CBFB: variants seen among roughly 807,000 people sequenced by gnomAD.
The protein encoded by CBFB is CBF-beta.
CBFB carries 9 observed loss-of-function variants against 30.4 expected under a neutral mutation model. The observed-to-expected ratio is 0.30, with a 90% CI of 0.18 to 0.52. The LOEUF is 0.52. Among genes scored for constraint, CBFB ranks in the 20% least tolerant of loss-of-function variants. The pLI is 0.97. For synonymous variants in CBFB, 94 were observed against 84.0 expected (o/e 1.12, Z -0.65); for missense variants, 170 against 244.0 (o/e 0.70, Z 2.02).
chr16:67,098,612 T>C (rs1376182435), intron 5 of CBFB, 98 bp from the exon 6 acceptor site: 23 of 651,184 alleles, frequency 3.5e-5, no homozygotes, highest in South Asian at 6.4e-5. Flanking sequence ...TTTTTAGTTA[T>C]GAAGTTTTTC....
intron 3 of CBFB, among the ~76,000 whole-genome samples, chr16:67,061,320 C>G (rs1186725962): frequency 6.6e-6 from 1 of 152,170 alleles, no homozygotes; most frequent in African/African-American, 2.4e-5. Context: ...TTAGCTGCAT[C>G]TGTTTACCCA....
In CBFB at chr16:67,075,552, A is replaced by G. The variant is rs1193303990; in HGVS notation, c.400-6661A>G. 6.0e-5 allele frequency among the ~76,000 whole-genome samples: 9 copies of G among 150,240 alleles called. No homozygotes were observed. In the South Asian group the frequency reaches 6.4e-4, roughly 11 times the overall value. ...AAATATGCAAGCTGCGCATGCATATATGTGTGTGTGTGTGTATATATATAT... is the reference window on the plus strand; with the variant it reads ...AAATATGCAAGCTGCGCATGCATATGTGTGTGTGTGTGTGTATATATATAT... On this transcript the variant is annotated intron_variant, in intron 4 of 5. Coordinates refer to ENST00000412916, the MANE Select transcript of CBFB (RefSeq NM_022845.3).
intron 3 of CBFB, among the ~76,000 whole-genome samples, chr16:67,042,779 C>G (rs756516687): frequency 6.6e-6 from 1 of 152,040 alleles, no homozygotes; most frequent in South Asian, 2.1e-4. Flanking sequence ...GCTCTGTCAT[C>G]CAGGCTGGAG....
chr16:67,034,190 T>C lies in CBFB; in HGVS notation c.166-2449T>C, dbSNP rs544951018. Among the ~76,000 whole-genome samples, 3 of 152,114 alleles carry C rather than the reference T, an allele frequency of 2.0e-5. No individual in the cohort carries two copies. The East Asian group carries it at 5.8e-4, about 29-fold the overall frequency. ...GACGTCTTCAACACTAATAATCAAATAAAGAAAAAATATTTATAAGAAGTA... is the reference window on the plus strand; with the variant it reads ...GACGTCTTCAACACTAATAATCAAACAAAGAAAAAATATTTATAAGAAGTA... On this transcript the variant is annotated intron_variant, in intron 2 of 5. Transcript: ENST00000412916.
chr16:67,058,577 C>G (rs1960800459), intron 3 of CBFB, among the ~76,000 whole-genome samples: 2 of 152,174 alleles, frequency 1.3e-5, no homozygotes, highest in Admixed American at 1.3e-4. Flanking sequence ...CCCCACTGCC[C>G]TTATAAGCAT....
At chr16:67,061,807 G>A (rs1264143378) in intron 3 of CBFB, among the ~76,000 whole-genome samples, 4 of 152,056 alleles carry the variant, frequency 2.6e-5, no homozygotes, top group Non-Finnish European at 4.4e-5. Context: ...TGAGGCAGGC[G>A]GATCACCTGA....
Position 67,066,791 on chromosome 16 carries a change from G to A in CBFB, c.392G>A (p.Arg131Gln), listed in dbSNP as rs2145751100. 14 of 1,587,114 alleles carry A rather than the reference G, an allele frequency of 8.8e-6. No homozygotes were observed. The highest frequency in any genetic ancestry group is 1.2e-5 in the Non-Finnish European group (14 of 1,157,828). The change falls in exon 4 of 6, where the codon CGA becomes CAA. Residue 131 changes from arginine (R) to glutamine (Q), a missense_variant. Transcript: ENST00000412916. ...GGCTGTCTGGAGTTTGATGAGGAGC[G>A]AGCCCAGGTAGGGTAACATCAGGCT... ...GMGCLEFDEE[R>Q]AQQEDALAQQ...
intron 4 of CBFB, among the ~76,000 whole-genome samples, chr16:67,079,687 A>C: frequency 6.6e-6 from 1 of 152,160 alleles, no homozygotes. Context: ...AAATGTCTCA[A>C]ACTTTCTTGG....
chr16:67,038,319 T>C (rs908580005), intron 3 of CBFB, among the ~76,000 whole-genome samples: 1 of 150,100 alleles, frequency 6.7e-6, no homozygotes, highest in South Asian at 2.1e-4. Context: ...TGTGTATATA[T>C]ACGTATATGT....
At chr16:67,073,561 C>T (rs1032448671) in intron 4 of CBFB, among the ~76,000 whole-genome samples, 1 of 152,150 alleles carries the variant, frequency 6.6e-6, no homozygotes, top group Non-Finnish European at 1.5e-5. Context: ...GCCTGGCCAA[C>T]ATGGTGAAAC....
chr16:67,072,075 A>G (rs1424560851), intron 4 of CBFB, among the ~76,000 whole-genome samples: 7 of 152,126 alleles, frequency 4.6e-5, no homozygotes, highest in Non-Finnish European at 7.3e-5. Context: ...GGTTAATGTT[A>G]TATCATTCAT....
intron 4 of CBFB, among the ~76,000 whole-genome samples, chr16:67,067,212 TAAAA>T (rs773186476): frequency 7.7e-6 from 1 of 130,064 alleles, no homozygotes; most frequent in African/African-American, 2.8e-5. Flanking sequence ...AAAAATTGTT[TAAAA>T]AAAAAAAAAA....
chr16:67,045,607 C>A (rs146878219), intron 3 of CBFB, among the ~76,000 whole-genome samples: 1 of 152,252 alleles, frequency 6.6e-6, no homozygotes, highest in Non-Finnish European at 1.5e-5. Context: ...AAATGCACCT[C>A]TGAAGCACTT....
chr16:67,069,890 G>T (rs779478968), intron 4 of CBFB, among the ~76,000 whole-genome samples: 1 of 152,168 alleles, frequency 6.6e-6, no homozygotes, highest in African/African-American at 2.4e-5. Flanking sequence ...TTGGGAGACC[G>T]AAGTGGGAGG....
intron 1 of CBFB, 75 bp from the exon 2 acceptor site, chr16:67,029,652 C>A: frequency 2.8e-6 from 4 of 1,410,380 alleles, no homozygotes; most frequent in Non-Finnish European, 2.9e-6. Flanking sequence ...CCCTTATCGG[C>A]GCTGCGCTGG....
intron 4 of CBFB, among the ~76,000 whole-genome samples, chr16:67,079,064 T>G (rs1961484051): frequency 6.6e-6 from 1 of 152,228 alleles, no homozygotes; most frequent in Non-Finnish European, 1.5e-5. Flanking sequence ...ACCTCTGGCT[T>G]ATATTATGTC....
intron 3 of CBFB, 102 bp from the exon 4 acceptor site, chr16:67,066,579 AT>A: frequency 1.7e-6 from 1 of 595,516 alleles, no homozygotes; most frequent in Non-Finnish European, 3.0e-6. Context: ...GTCAATCATA[AT>A]TTTATTCATC....
intron 5 of CBFB, among the ~76,000 whole-genome samples, chr16:67,085,778 A>C (rs1961712013): frequency 6.7e-6 from 1 of 150,248 alleles, no homozygotes; most frequent in Non-Finnish European, 1.5e-5. Flanking sequence ...CCCTGGTTCA[A>C]GCCATTCTTC....
chr16:67,036,681 C>G lies in CBFB; in HGVS notation c.208C>G (p.Pro70Ala), dbSNP rs2145713361. Residue 70 changes from proline to alanine, a missense_variant, in exon 3 of 6, where the codon CCG becomes GCG. Coordinates refer to ENST00000412916, the MANE Select transcript of CBFB (RefSeq NM_022845.3). ...AACCAATCTGTCTCTCCAGTTTTTT[C>G]CGGCCAGCTGGCAGGGAGAACAGCG... The part of the protein sequence containing the change: ...TGTNLSLQFF[P>A]ASWQGEQRQT... 6.2e-7 allele frequency: 1 copy of G among 1,613,840 alleles called. No individual in the cohort carries two copies. Among genetic ancestry groups the G allele is most frequent in the South Asian group, 1.1e-5 (1 of 91,068 alleles).
Sources: gnomAD v4.1 joint callset for allele counts (sites outside exome capture counted in the v4.1 genomes callset) on GRCh38, gnomAD v4.1.1 for gene constraint, MANE v1.5 for transcripts, NCBI Gene and HGNC (gene_info 2026-07-23, HGNC 2026-07-21) for gene names.